The following CYLD variants were observed in gnomAD, a reference collection of about 807,000 sequenced individuals.
CYLD encodes the protein CYLD lysine 63 deubiquitinase.
CYLD carries 26 observed loss-of-function variants against 104.5 expected under a neutral mutation model. The ratio of observed to expected loss-of-function variants is 0.25; its 90% CI spans 0.18 to 0.35. The LOEUF is 0.35. Ranked by LOEUF, CYLD falls within the 10% of genes least tolerant of loss-of-function variation. The probability of loss-of-function intolerance (pLI) is 1.00; values close to 1 mark genes in which losing one functional copy is unlikely to be tolerated. For synonymous variants in CYLD, 385 were observed against 399.9 expected (o/e 0.96, Z 0.45); for missense variants, 703 against 1,136.1 (o/e 0.62, Z 5.48).
At position 50,742,749 on chromosome 16, in the gene CYLD, CTT is replaced by C; in HGVS notation, c.-203-9_-203-8del. 2.5e-6 allele frequency: 1 copy of C among 398,858 alleles called. No individual in the cohort carries two copies. Among genetic ancestry groups the C allele is most frequent in the Non-Finnish European group, 4.4e-6 (1 of 226,182 alleles). 24.7% of individuals were successfully genotyped at this position (398,858 alleles called of 1,614,324 possible). A position where few individuals can be genotyped will look rare whatever the true frequency, so the allele number is the denominator to read the frequency against. ...CTGGCCTTGTTAATGGCGTGTTCTG[CTT>C]TTTCTTTCAGTTTCCCCCTTTCTAG... On this transcript the variant is annotated splice_polypyrimidine_tract_variant and intron_variant, in intron 1 of 18. Coordinates refer to ENST00000427738, the MANE Select transcript of CYLD (RefSeq NM_001378743.1).
intron 11 of CYLD, among the ~76,000 whole-genome samples, 173 bp downstream of exon 11, chr16:50,782,639 C>T (rs531284681): frequency 5.3e-5 from 8 of 152,216 alleles, no homozygotes; most frequent in Admixed American, 4.6e-4. Context: ...CTTTTTATGA[C>T]ATACTCCTTT....
chr16:50,744,999 C>G (rs555280920), intron 2 of CYLD: 2 of 152,300 alleles, frequency 1.3e-5, no homozygotes, highest in Admixed American at 6.5e-5. Context: ...TTCAACATGG[C>G]TTTAGGGTTA....
chr16:50,794,713 CA>C lies in CYLD; in HGVS notation c.2686+286del. On this transcript the variant is annotated intron_variant, in intron 18 of 18. Transcript: ENST00000427738. This position sits in a 1 kb window ranked among gnomAD's most constrained non-coding sequence, Gnocchi z 4.1. The stretch of plus-strand genomic sequence containing the variant: ...TTGGCTCATTGCAACCTCCACCTCT[CA>C]GGTTCAAGCAATCCTCCCACCTCAG... 4.7e-6 allele frequency: 2 copies of C among 422,204 alleles called. No individual in the cohort carries two copies. Among genetic ancestry groups the C allele is most frequent in the South Asian group, 4.2e-5 (2 of 47,366 alleles). 26.2% of individuals were successfully genotyped at this position (422,204 alleles called of 1,614,324 possible). A position where few individuals can be genotyped will look rare whatever the true frequency, so the allele number is the denominator to read the frequency against.
intron 12 of CYLD, chr16:50,784,653 A>G (rs1970624127): frequency 1.9e-6 from 1 of 530,306 alleles, no homozygotes; most frequent in Non-Finnish European, 3.3e-6. Flanking sequence ...CAAGGTGTAG[A>G]ACATAGCATA....
chr16:50,772,283 G>A (rs1969236219), intron 5 of CYLD, among the ~76,000 whole-genome samples: 2 of 152,268 alleles, frequency 1.3e-5, no homozygotes, highest in South Asian at 4.1e-4. Flanking sequence ...AACCCAGAGG[G>A]AAATCTCTGT....
At chr16:50,769,576 A>G (rs1968914872) in intron 5 of CYLD, among the ~76,000 whole-genome samples, 1 of 152,218 alleles carries the variant, frequency 6.6e-6, no homozygotes, top group South Asian at 2.1e-4. Context: ...CCTTTTGCAG[A>G]TATATGCTTT....
chr16:50,749,756 A>C lies in CYLD; in HGVS notation c.58A>C (p.Ile20Leu). 6.2e-7 allele frequency: 1 copy of C among 1,613,772 alleles called. No homozygotes were observed. Among genetic ancestry groups the C allele is most frequent in the Non-Finnish European group, 8.5e-7 (1 of 1,179,964 alleles). ...CACTTCACCCTACTGGGAAGAGCGG[A>C]TTTTTTACTTGCTTCTTCAAGAATG... The part of the protein sequence containing the change: ...KVTSPYWEER[I>L]FYLLLQECSV... Residue 20 changes from isoleucine (I) to leucine (L), a missense_variant, in exon 3 of 19, where the codon ATT becomes CTT. Coordinates refer to ENST00000427738, the MANE Select transcript of CYLD (RefSeq NM_001378743.1).
intron 12 of CYLD, chr16:50,785,743 G>A (rs1970746722): frequency 6.6e-6 from 1 of 152,176 alleles, no homozygotes; most frequent in African/African-American, 2.4e-5. Context: ...AGGATTCCCT[G>A]TGTCTGTAGC....
intron 11 of CYLD, 76 bp from the exon 12 acceptor site, chr16:50,784,250 CTCT>C: frequency 6.8e-7 from 1 of 1,466,532 alleles, no homozygotes; most frequent in Non-Finnish European, 9.5e-7. Context: ...ACTTATTTTC[CTCT>C]TCTAATTCTG....
intron 3 of CYLD, among the ~76,000 whole-genome samples, chr16:50,751,403 A>G (rs1171084618): frequency 6.6e-6 from 1 of 152,202 alleles, no homozygotes; most frequent in African/African-American, 2.4e-5. Flanking sequence ...TTATCAGATA[A>G]TATTATTTCA....
intron 5 of CYLD, among the ~76,000 whole-genome samples, chr16:50,754,980 CATATATA>C: frequency 8.9e-6 from 1 of 112,470 alleles, no homozygotes. Flanking sequence ...TATATGTATA[CATATATA>C]CATATATATG....
chr16:50,744,299 C>T (rs1965988712), intron 2 of CYLD, among the ~76,000 whole-genome samples: 1 of 151,956 alleles, frequency 6.6e-6, no homozygotes, highest in Non-Finnish European at 1.5e-5. Flanking sequence ...TTTTTTCTGG[C>T]CACGGAATCT....
chr16:50,784,032 G>T (rs767857653), intron 11 of CYLD: 4 of 351,374 alleles, frequency 1.1e-5, no homozygotes, highest in Non-Finnish European at 2.2e-5. Context: ...CTTTTGCAAA[G>T]AAGTTTTCTT....
At chr16:50,791,043 A>C (rs1971385146) in intron 14 of CYLD, among the ~76,000 whole-genome samples, 1 of 152,174 alleles carries the variant, frequency 6.6e-6, no homozygotes, top group African/African-American at 2.4e-5. Context: ...GGGCCCCTAG[A>C]TTCTTTACCC....
intron 15 of CYLD, 108 bp downstream of exon 15, chr16:50,791,798 C>A: frequency 8.0e-7 from 1 of 1,253,170 alleles, no homozygotes; most frequent in Non-Finnish European, 1.2e-6. Context: ...AAGTTTGAAA[C>A]ACAAACTGTT....
intron 4 of CYLD, 21 bp from the exon 5 acceptor site, chr16:50,754,298 T>A (rs368730212): frequency 1.4e-5 from 20 of 1,442,140 alleles, no homozygotes; most frequent in Non-Finnish European, 1.9e-5. Context: ...AGGATTTTAA[T>A]GTTTATTATT....
Position 50,780,055 on chromosome 16 carries a change from T to G in CYLD, c.1518+11T>G, listed in dbSNP as rs763958142. The G allele has an allele frequency of 6.2e-7, 1 of 1,613,740 alleles. No individual in the cohort carries two copies. Among genetic ancestry groups the G allele is most frequent in the African/African-American group, 1.3e-5 (1 of 74,926 alleles). On this transcript the variant is annotated intron_variant, in intron 9 of 18. Coordinates refer to ENST00000427738, the MANE Select transcript of CYLD (RefSeq NM_001378743.1). ...GCTGGACTGGAACTGGTAATTTAACTTGACCCAAAAATTTCAATTTTTTTC... is the reference window on the plus strand; with the variant it reads ...GCTGGACTGGAACTGGTAATTTAACGTGACCCAAAAATTTCAATTTTTTTC...
At chr16:50,770,591 C>T (rs1270140181) in intron 5 of CYLD, among the ~76,000 whole-genome samples, 2 of 151,802 alleles carry the variant, frequency 1.3e-5, no homozygotes, top group African/African-American at 4.8e-5. Flanking sequence ...GCTGGGATTA[C>T]AGGTGTGCGC....
intron 5 of CYLD, among the ~76,000 whole-genome samples, chr16:50,771,563 T>G (rs555309692): frequency 6.6e-6 from 1 of 152,326 alleles, no homozygotes; most frequent in Admixed American, 6.5e-5. Context: ...GTGTGTTTAG[T>G]CATTTGTGGA....
Sources: gnomAD v4.1 joint callset for allele counts (sites outside exome capture counted in the v4.1 genomes callset) on GRCh38, gnomAD v4.1.1 for gene constraint, Gnocchi (gnomAD v3.1) non-coding constraint, MANE v1.5 for transcripts, NCBI Gene and HGNC (gene_info 2026-07-23, HGNC 2026-07-21) for gene names.